UBE2K: variants seen among roughly 807,000 people sequenced by gnomAD.
The protein encoded by UBE2K is ubiquitin conjugating enzyme E2 K.
In UBE2K, 6 loss-of-function variants were observed where a neutral mutation model predicts 30.0. The ratio of observed to expected loss-of-function variants is 0.20; its 90% CI spans 0.11 to 0.39. The LOEUF is 0.39. Ranked by LOEUF, UBE2K falls within the 10% of genes least tolerant of loss-of-function variation. The probability of loss-of-function intolerance (pLI) is 1.00; values close to 1 mark genes in which losing one functional copy is unlikely to be tolerated. For synonymous variants in UBE2K, 86 were observed against 83.7 expected (o/e 1.03, Z -0.15); for missense variants, 61 against 241.6 (o/e 0.25, Z 4.96).
At chr4:39,770,309 G>C in intron 4 of UBE2K, 4 of 1,612,670 alleles carry the variant, frequency 2.5e-6, no homozygotes, top group Non-Finnish European at 3.4e-6. Context: ...AGTGTGACTT[G>C]ACACCACGAT....
At chr4:39,716,571 C>T (rs73240664) in intron 1 of UBE2K, among the ~76,000 whole-genome samples, 15,885 of 151,974 alleles carry the variant, frequency 0.1, 1,096 homozygotes, top group East Asian at 0.22. Flanking sequence ...TTGTATTAAA[C>T]GTTTCCTGGC....
rs1718427852 is a variant in UBE2K at position 39,707,404 on chromosome 4, T to C, written c.63+9014T>C. ...CTATTTTTAGTAGAGATGGGGTTTCTAGCCAGGCTGGTCTCGAACTTCAGA... is the reference window on the plus strand; with the variant it reads ...CTATTTTTAGTAGAGATGGGGTTTCCAGCCAGGCTGGTCTCGAACTTCAGA... On this transcript the variant is annotated intron_variant, in intron 1 of 6. Coordinates refer to ENST00000261427, the MANE Select transcript of UBE2K (RefSeq NM_005339.5). Among the ~76,000 whole-genome samples the C allele has an allele frequency of 2.0e-5, 3 of 151,776 alleles. No homozygotes were observed. The South Asian group carries it at 6.2e-4, about 32-fold the overall frequency.
intron 1 of UBE2K, among the ~76,000 whole-genome samples, chr4:39,725,369 C>A (rs949964686): frequency 4.0e-5 from 4 of 100,888 alleles, no homozygotes; most frequent in African/African-American, 1.3e-4. Flanking sequence ...CAGAGCAAGA[C>A]CCTGTCTCAA....
intron 3 of UBE2K, among the ~76,000 whole-genome samples, chr4:39,747,975 T>G (rs1721067645): frequency 6.6e-6 from 1 of 152,096 alleles, no homozygotes; most frequent in East Asian, 1.9e-4. Context: ...CTAATTTTTG[T>G]ATTTTTAGTA....
chr4:39,716,885 C>T (rs1158488809), intron 1 of UBE2K, among the ~76,000 whole-genome samples: 1 of 151,172 alleles, frequency 6.6e-6, no homozygotes, highest in Non-Finnish European at 1.5e-5. Context: ...GTAATCCCAG[C>T]TGCTTGGGAA....
chr4:39,769,164 A>T lies in UBE2K; in HGVS notation c.300-5670A>T, dbSNP rs540630693. On this transcript the variant is annotated intron_variant, in intron 4 of 6. Transcript: ENST00000261427. ...CAGTATTTGTCAAATTTTAATGTGC[A>T]TCAGAATCACCTGGAGGACCTGTTA... Among the ~76,000 whole-genome samples the T allele has an allele frequency of 3.3e-5, 5 of 150,846 alleles. No homozygotes were observed. In the South Asian group the frequency reaches 1.0e-3, roughly 32 times the overall value.
rs552508543 is a variant in UBE2K, at chr4:39,737,422, G to A, written c.66G>A (p.Thr22=). 30 of 1,532,704 alleles carry A rather than the reference G, an allele frequency of 2.0e-5. No homozygotes were observed. The East Asian group carries it at 5.8e-4, about 30-fold the overall frequency. 94.9% of individuals were successfully genotyped at this position (1,532,704 alleles called of 1,614,324 possible). A position where few individuals can be genotyped will look rare whatever the true frequency, so the allele number is the denominator to read the frequency against. Residue 22 remains threonine (T), a splice_region_variant and synonymous_variant, in exon 2 of 7, where the codon ACG becomes ACA. Coordinates refer to ENST00000261427, the MANE Select transcript of UBE2K (RefSeq NM_005339.5). ...EFKEVLKSEE[T]SKNQIKVDLV... ...TTTATTTTCTGTTTATTTTTAAGACGAGCAAAAATCAAATTAAAGTAGATC... is the reference window on the plus strand; with the variant it reads ...TTTATTTTCTGTTTATTTTTAAGACAAGCAAAAATCAAATTAAAGTAGATC...
chr4:39,752,343 T>C (rs1158245360), intron 3 of UBE2K, among the ~76,000 whole-genome samples: 1 of 127,956 alleles, frequency 7.8e-6, no homozygotes, highest in Non-Finnish European at 1.7e-5. Context: ...TTCTTTTTTT[T>C]TTTTTTTTTT....
At chr4:39,764,516 G>C (rs1042070153) in intron 4 of UBE2K, among the ~76,000 whole-genome samples, 2 of 150,674 alleles carry the variant, frequency 1.3e-5, no homozygotes, top group Non-Finnish European at 3.0e-5. Flanking sequence ...AACGATCACA[G>C]CTCACTGCAG....
In UBE2K at chr4:39,710,718, G is replaced by A. The variant is rs568999305; in HGVS notation, c.63+12328G>A. On this transcript the variant is annotated intron_variant, in intron 1 of 6. Coordinates refer to ENST00000261427, the MANE Select transcript of UBE2K (RefSeq NM_005339.5). The stretch of plus-strand genomic sequence containing the variant: ...CAGAGGTTTGAAACCAGGTCTGTGC[G>A]TCCAAAATATTGGTGGTTATGGTAG... Among the ~76,000 whole-genome samples the A allele has an allele frequency of 4.6e-5, 7 of 152,186 alleles. No individual in the cohort carries two copies. The East Asian group carries it at 5.8e-4, about 13-fold the overall frequency.
intron 4 of UBE2K, among the ~76,000 whole-genome samples, chr4:39,758,396 C>T (rs1001373355): frequency 1.6e-4 from 25 of 152,084 alleles, no homozygotes; most frequent in South Asian, 2.1e-4. Flanking sequence ...CAAAGCTTGC[C>T]GCCACGTGCA....
intron 4 of UBE2K, among the ~76,000 whole-genome samples, chr4:39,761,504 A>G (rs1455934795): frequency 6.6e-6 from 1 of 152,226 alleles, no homozygotes; most frequent in East Asian, 1.9e-4. Context: ...ACATAGCCAC[A>G]TTAACTATGT....
rs373952003 is a variant in UBE2K at position 39,698,318 on chromosome 4, G to T, written c.-10G>T. 6.2e-7 allele frequency: 1 copy of T among 1,610,780 alleles called. No individual in the cohort carries two copies. The highest frequency in any genetic ancestry group is 8.5e-7 in the Non-Finnish European group (1 of 1,178,872). On this transcript the variant is annotated 5_prime_UTR_variant, in exon 1 of 7. Coordinates refer to ENST00000261427, the MANE Select transcript of UBE2K (RefSeq NM_005339.5). ...GAGGAGGCGGGTACGAATCAGCTGC[G>T]GGCGGAGACATGGCCAACATCGCGG...
intron 4 of UBE2K, among the ~76,000 whole-genome samples, chr4:39,757,324 C>G (rs563026745): frequency 3.9e-5 from 6 of 152,068 alleles, no homozygotes; most frequent in Middle Eastern, 3.4e-3. Context: ...CCACACCCGG[C>G]CTAAGCTATG....
intron 4 of UBE2K, chr4:39,771,423 A>AC: frequency 6.2e-7 from 1 of 1,600,676 alleles, no homozygotes; most frequent in Non-Finnish European, 8.5e-7. Flanking sequence ...GCAGGACTTC[A>AC]CCCCAGAGGC....
chr4:39,712,906 C>T (rs1193613814), intron 1 of UBE2K, among the ~76,000 whole-genome samples: 1 of 151,176 alleles, frequency 6.6e-6, no homozygotes, highest in Non-Finnish European at 1.5e-5. Context: ...CGCTTTGTCG[C>T]CCAGACTGGA....
chr4:39,769,347 TCTCC>T (rs752246120), intron 4 of UBE2K, among the ~76,000 whole-genome samples: 4 of 151,442 alleles, frequency 2.6e-5, no homozygotes, highest in Middle Eastern at 3.4e-3. Flanking sequence ...TCTCTACTCC[TCTCC>T]CTCCCTCCCA....
intron 2 of UBE2K, among the ~76,000 whole-genome samples, chr4:39,738,703 T>A (rs1425027890): frequency 6.6e-6 from 1 of 152,126 alleles, no homozygotes; most frequent in African/African-American, 2.4e-5. Flanking sequence ...TTTTTGAGAC[T>A]GAGTCTCTCT....
At chr4:39,727,168 C>G (rs1202866730) in intron 1 of UBE2K, among the ~76,000 whole-genome samples, 1 of 152,138 alleles carries the variant, frequency 6.6e-6, no homozygotes. Flanking sequence ...AGTTTACTTT[C>G]TAGTCCTTTT....
Sources: allele counts gnomAD v4.1 joint callset (sites outside exome capture counted in the v4.1 genomes callset), GRCh38; gene constraint gnomAD v4.1.1; transcripts MANE v1.5; gene names NCBI Gene and HGNC (gene_info 2026-07-23, HGNC 2026-07-21).